FAM111B: variants seen among roughly 807,000 people sequenced by gnomAD.
The protein encoded by FAM111B is serine protease FAM111B.
FAM111B carries 1 observed loss-of-function variant against 2.8 expected under a neutral mutation model. The observed-to-expected ratio is 0.36, with a 90% CI of 0.13 to 1.70. The LOEUF (loss-of-function observed/expected upper bound fraction) is 1.70. Ranked by LOEUF, FAM111B falls within the 40% of genes most tolerant of loss-of-function variation. The pLI is 0.35. For missense variants in FAM111B, 882 were observed against 878.9 expected (o/e 1.00, Z -0.04); for synonymous variants, 297 against 295.6 (o/e 1.00, Z -0.05).
In FAM111B at chr11:59,125,420, G is replaced by T; in HGVS notation, c.1323G>T (p.Met441Ile). 1 of 1,613,952 alleles carries T rather than the reference G, an allele frequency of 6.2e-7. No individual in the cohort carries two copies. The highest frequency in any genetic ancestry group is 1.1e-5 in the South Asian group (1 of 91,058). Reference sequence around the variant, plus strand: ...TATATAAAAAGGACTTCGGAAAAATGACTGCAAATTCTGTTTCAGTTGCAA... The same window carrying T: ...TATATAAAAAGGACTTCGGAAAAATTACTGCAAATTCTGTTTCAGTTGCAA... ...FNIYKKDFGK[M>I]TANSVSVATC... is the part of the protein sequence containing the mutation. Residue 441 changes from methionine (M) to isoleucine (I), a missense_variant, in exon 4 of 4, where the codon ATG (methionine) becomes ATT (isoleucine). Transcript: ENST00000343597.
At chr11:59,108,474 C>T (rs183762637) in intron 1 of FAM111B, among the ~76,000 whole-genome samples, 194 bp from the exon 2 acceptor site, 27 of 152,320 alleles carry the variant, frequency 1.8e-4, no homozygotes, top group Middle Eastern at 3.4e-3. Context: ...CTCCTTAAAT[C>T]TGGAATTCCT....
At position 59,125,769 on chromosome 11, in the gene FAM111B, C is replaced by T. The variant is rs1860017234; in HGVS notation, c.1672C>T (p.Pro558Ser). 1 of 1,613,814 alleles carries T rather than the reference C, an allele frequency of 6.2e-7. No individual in the cohort carries two copies. Among genetic ancestry groups the T allele is most frequent in the Non-Finnish European group, 8.5e-7 (1 of 1,179,834 alleles). Residue 558 changes from proline to serine, a missense_variant, in exon 4 of 4, where the codon CCT becomes TCT. Pro to Ser is a moderately conservative substitution (Grantham distance 74). Coordinates refer to ENST00000343597, the MANE Select transcript of FAM111B (RefSeq NM_198947.4). Reference protein sequence around the residue: ...LKLKENGNAFPPGLWRQISPQ... With the variant: ...LKLKENGNAFSPGLWRQISPQ... ...ACTAAAAGAAAATGGAAATGCGTTT[C>T]CTCCAGGACTATGGCGACAGATTTC...
intron 3 of FAM111B, among the ~76,000 whole-genome samples, chr11:59,112,133 A>C (rs1031080397): frequency 6.6e-6 from 1 of 152,172 alleles, no homozygotes; most frequent in Non-Finnish European, 1.5e-5. Context: ...GTGTGGTTCC[A>C]TCACTCTATA....
chr11:59,124,151 T>A, intron 3 of FAM111B, 28 bp from the exon 4 acceptor site: 1 of 1,498,676 alleles, frequency 6.7e-7, no homozygotes, highest in Non-Finnish European at 9.0e-7. Flanking sequence ...GTGATTCTTG[T>A]TAACCTCTTT....
At position 59,124,815 on chromosome 11, in the gene FAM111B, T is replaced by A. The variant is rs201783823; in HGVS notation, c.718T>A (p.Trp240Arg). 8 of 1,613,550 alleles carry A rather than the reference T, an allele frequency of 5.0e-6. No homozygotes were observed. The East Asian group carries it at 1.8e-4, about 36-fold the overall frequency. ...RFRSDIGEFE[W>R]KLKEGHKKIY... ...TCGGTCTGACATAGGTGAATTTGAA[T>A]GGAAACTAAAGGAAGGTCATAAGAA... Residue 240 changes from tryptophan to arginine, a missense_variant, in exon 4 of 4, where the codon TGG becomes AGG. Physicochemically the swap from Trp to Arg is moderately radical, Grantham distance 101. Coordinates refer to ENST00000343597, the MANE Select transcript of FAM111B (RefSeq NM_198947.4).
rs975045463 is a variant in FAM111B at position 59,124,657 on chromosome 11, A to G, written c.560A>G (p.His187Arg). 1 of 1,613,882 alleles carries G rather than the reference A, an allele frequency of 6.2e-7. No homozygotes were observed. The highest frequency in any genetic ancestry group is 1.1e-5 in the South Asian group (1 of 91,066). Residue 187 changes from histidine (H) to arginine (R), a missense_variant, in exon 4 of 4, where the codon CAT (histidine) becomes CGT (arginine). By Grantham distance (29) the His-to-Arg change is conservative (BLOSUM62 0). Coordinates refer to ENST00000343597, the MANE Select transcript of FAM111B (RefSeq NM_198947.4). ...CCAAACATGGAATGCATTCTTTTTCATGTTGTTGCTATAGGAAGGACAAGA... is the reference window on the plus strand; with the variant it reads ...CCAAACATGGAATGCATTCTTTTTCGTGTTGTTGCTATAGGAAGGACAAGA... The part of the protein sequence containing the change: ...ENPNMECILF[H>R]VVAIGRTRKK...
intron 3 of FAM111B, among the ~76,000 whole-genome samples, chr11:59,113,099 T>G (rs760574399): frequency 1.4e-4 from 22 of 152,376 alleles, no homozygotes; most frequent in Admixed American, 2.6e-4. Flanking sequence ...ATTTCTAGTT[T>G]TCTTCCAGAG....
chr11:59,120,352 C>G (rs1321604768), intron 3 of FAM111B, among the ~76,000 whole-genome samples: 3 of 152,192 alleles, frequency 2.0e-5, no homozygotes, highest in Non-Finnish European at 4.4e-5. Context: ...GCGTCCCCCA[C>G]AATTCATATG....
At position 59,109,625 on chromosome 11, in the gene FAM111B, C is replaced by G. The variant is rs1431920181; in HGVS notation, c.-1C>G. On this transcript the variant is annotated 5_prime_UTR_variant, in exon 3 of 4. It adds an upstream start codon to the 5' untranslated region. Coordinates refer to ENST00000343597, the MANE Select transcript of FAM111B (RefSeq NM_198947.4). ...TTAGTTACATTCTCTTTGAACTCAT[C>G]ATGAATTCCATGAAGACTGAAGAAA... The G allele has an allele frequency of 1.9e-6, 3 of 1,603,190 alleles. No individual in the cohort carries two copies. Among genetic ancestry groups the G allele is most frequent in the Admixed American group, 3.4e-5 (2 of 59,630 alleles).
chr11:59,123,517 G>A (rs546580496), intron 3 of FAM111B, among the ~76,000 whole-genome samples: 1 of 152,234 alleles, frequency 6.6e-6, no homozygotes, highest in South Asian at 2.1e-4. Context: ...ATATGACCTA[G>A]GGAAATATTC....
chr11:59,124,144 ATTC>A (rs779147467), intron 3 of FAM111B, 32 bp from the exon 4 acceptor site: 16 of 1,431,118 alleles, frequency 1.1e-5, no homozygotes, highest in Non-Finnish European at 1.5e-5. Flanking sequence ...ATTAAAGGTG[ATTC>A]TTGTTAACCT....
chr11:59,120,715 T>C (rs1859907570), intron 3 of FAM111B, among the ~76,000 whole-genome samples: 1 of 152,220 alleles, frequency 6.6e-6, no homozygotes, highest in African/African-American at 2.4e-5. Context: ...TTCCACCTTT[T>C]CTAAGGATAT....
intron 3 of FAM111B, among the ~76,000 whole-genome samples, chr11:59,116,232 C>A (rs1214260110): frequency 6.6e-6 from 1 of 152,148 alleles, no homozygotes; most frequent in Non-Finnish European, 1.5e-5. Flanking sequence ...GTCATTTCTG[C>A]TTCTCTAGGT....
chr11:59,121,898 A>C (rs1859928291), intron 3 of FAM111B, among the ~76,000 whole-genome samples: 1 of 152,208 alleles, frequency 6.6e-6, no homozygotes, highest in Admixed American at 6.5e-5. Context: ...TAATCCCAGC[A>C]CTTTGGGAGG....
intron 3 of FAM111B, among the ~76,000 whole-genome samples, chr11:59,113,697 G>C (rs150569626): frequency 6.6e-6 from 1 of 152,154 alleles, no homozygotes; most frequent in Admixed American, 6.5e-5. Context: ...CTCTATCAGC[G>C]TCCCCCAGAC....
intron 3 of FAM111B, among the ~76,000 whole-genome samples, chr11:59,123,521 A>G (rs1321856383): frequency 1.3e-5 from 2 of 152,200 alleles, no homozygotes; most frequent in Non-Finnish European, 2.9e-5. Flanking sequence ...GACCTAGGGA[A>G]ATATTCAGAT....
intron 3 of FAM111B, among the ~76,000 whole-genome samples, chr11:59,122,688 C>T (rs1859942391): frequency 6.6e-6 from 1 of 152,122 alleles, no homozygotes; most frequent in East Asian, 1.9e-4. Flanking sequence ...CTGACATATC[C>T]AAGAGTAGAT....
At position 59,126,011 on chromosome 11, in the gene FAM111B, G is replaced by A. The variant is rs1475144812; in HGVS notation, c.1914G>A (p.Thr638=). ...TATCAGAGGTTTGGAACACACACACGCTTAGTTATGATACTTGTTTCTCTG... is the reference window on the plus strand; with the variant it reads ...TATCAGAGGTTTGGAACACACACACACTTAGTTATGATACTTGTTTCTCTG... ...SFLSEVWNTH[T]LSYDTCFSDG... The change falls in exon 4 of 4, where the codon ACG becomes ACA. Residue 638 remains threonine (T), a synonymous_variant. Coordinates refer to ENST00000343597, the MANE Select transcript of FAM111B (RefSeq NM_198947.4). 5 of 1,613,732 alleles carry A rather than the reference G, an allele frequency of 3.1e-6. No homozygotes were observed. The highest frequency in any genetic ancestry group is 1.3e-5 in the African/African-American group (1 of 74,876).
intron 3 of FAM111B, among the ~76,000 whole-genome samples, chr11:59,115,049 G>T (rs1330551832): frequency 6.6e-6 from 1 of 152,148 alleles, no homozygotes; most frequent in Non-Finnish European, 1.5e-5. Context: ...TGACCAATAG[G>T]TCTAGTGCTT....
Sources: gnomAD v4.1 joint callset for allele counts (sites outside exome capture counted in the v4.1 genomes callset) on GRCh38, gnomAD v4.1.1 for gene constraint, MANE v1.5 for transcripts, NCBI Gene and HGNC (gene_info 2026-07-23, HGNC 2026-07-21) for gene names.